The following PTPRO variants were observed in gnomAD, a reference collection of about 807,000 sequenced individuals.
The protein encoded by PTPRO is receptor-type tyrosine-protein phosphatase O.
In PTPRO, 62 loss-of-function variants were observed where a neutral mutation model predicts 145.2. The observed-to-expected ratio is 0.43, with a 90% CI of 0.35 to 0.53. The LOEUF (loss-of-function observed/expected upper bound fraction) is 0.53. Among genes scored for constraint, PTPRO ranks in the 20% least tolerant of loss-of-function variants. PTPRO has a pLI of 0.01. For synonymous variants in PTPRO, 565 were observed against 514.7 expected (o/e 1.10, Z -1.32); for missense variants, 1,345 against 1,482.7 (o/e 0.91, Z 1.53).
intron 23 of PTPRO, among the ~76,000 whole-genome samples, chr12:15,582,926 G>A (rs1944352134): frequency 6.6e-6 from 1 of 152,166 alleles, no homozygotes; most frequent in Non-Finnish European, 1.5e-5. Flanking sequence ...AGGCTTAGGT[G>A]TTAACATCAA....
At chr12:15,586,256 AGAG>A (rs1944427200) in intron 23 of PTPRO, among the ~76,000 whole-genome samples, 1 of 152,238 alleles carries the variant, frequency 6.6e-6, no homozygotes. Context: ...GCAGATTGAC[AGAG>A]AAGAAGCCCT....
intron 15 of PTPRO, among the ~76,000 whole-genome samples, chr12:15,552,008 T>G (rs975958594): frequency 1.5e-5 from 2 of 131,572 alleles, no homozygotes; most frequent in African/African-American, 5.8e-5. Context: ...CAGTTCAGTA[T>G]AGTTAATGAA....
intron 1 of PTPRO, among the ~76,000 whole-genome samples, chr12:15,394,835 G>C (rs376682913): frequency 6.6e-6 from 1 of 152,110 alleles, no homozygotes; most frequent in Non-Finnish European, 1.5e-5. Context: ...TAACTACAGG[G>C]CTTGTCTAGT....
At chr12:15,558,555 T>C (rs538194947) in intron 16 of PTPRO, among the ~76,000 whole-genome samples, 1 of 152,340 alleles carries the variant, frequency 6.6e-6, no homozygotes, top group African/African-American at 2.4e-5. Context: ...TAAGTAAACA[T>C]TTAACATGAA....
chr12:15,472,488 C>T (rs1275043108), intron 1 of PTPRO, among the ~76,000 whole-genome samples: 2 of 152,162 alleles, frequency 1.3e-5, no homozygotes, highest in East Asian at 1.9e-4. Context: ...TTGATCTAAA[C>T]ACTCTAGAGG....
intron 12 of PTPRO, among the ~76,000 whole-genome samples, chr12:15,540,993 A>C (rs1943168844): frequency 6.6e-6 from 1 of 152,206 alleles, no homozygotes; most frequent in Non-Finnish European, 1.5e-5. Flanking sequence ...CAATATTAGA[A>C]AGCTTTTAGA....
At chr12:15,459,288 C>G (rs950579298) in intron 1 of PTPRO, among the ~76,000 whole-genome samples, 1 of 152,222 alleles carries the variant, frequency 6.6e-6, no homozygotes, top group East Asian at 1.9e-4. Context: ...CTAGTTCAAA[C>G]AGCCATCTTT....
intron 1 of PTPRO, among the ~76,000 whole-genome samples, chr12:15,339,691 T>C (rs1866902431): frequency 1.3e-5 from 2 of 152,106 alleles, no homozygotes; most frequent in Non-Finnish European, 2.9e-5. Flanking sequence ...TAAATGGATT[T>C]TTTCAGAGAC....
intron 1 of PTPRO, among the ~76,000 whole-genome samples, chr12:15,470,232 A>C (rs1377155616): frequency 2.0e-5 from 3 of 152,184 alleles, no homozygotes; most frequent in Non-Finnish European, 4.4e-5. Flanking sequence ...CAGTCTGGGG[A>C]CTGTAGTACA....
At chr12:15,458,666 G>A (rs950184741) in intron 1 of PTPRO, among the ~76,000 whole-genome samples, 1 of 150,974 alleles carries the variant, frequency 6.6e-6, no homozygotes, top group African/African-American at 2.4e-5. Context: ...GTATTCTTCA[G>A]CTCATTGATT....
intron 2 of PTPRO, among the ~76,000 whole-genome samples, chr12:15,484,545 G>T (rs1398964940): frequency 6.6e-6 from 1 of 152,032 alleles, no homozygotes; most frequent in Non-Finnish European, 1.5e-5. Flanking sequence ...TTTCTGCTAT[G>T]TTGCTTAATA....
chr12:15,528,224 T>TA (rs201147093), intron 12 of PTPRO, among the ~76,000 whole-genome samples: 1,773 of 144,554 alleles, frequency 0.012, 35 homozygotes, highest in African/African-American at 0.042. Flanking sequence ...TATAAGATAT[T>TA]AAAAAAAAAA....
intron 1 of PTPRO, among the ~76,000 whole-genome samples, chr12:15,366,336 A>G (rs1418408151): frequency 6.8e-6 from 1 of 147,146 alleles, no homozygotes; most frequent in Non-Finnish European, 1.5e-5. Context: ...TACCAGTGGT[A>G]TATGGTGCCC....
chr12:15,357,936 C>T (rs1260777110), intron 1 of PTPRO, among the ~76,000 whole-genome samples: 19 of 150,804 alleles, frequency 1.3e-4, no homozygotes, highest in Non-Finnish European at 2.4e-4. Context: ...CACATGCACA[C>T]GTATGTTTAT....
rs772562526 is a variant in PTPRO, at chr12:15,502,051, A to T, written c.1093A>T (p.Ile365Phe). The T allele has an allele frequency of 6.2e-7, 1 of 1,610,774 alleles. No individual in the cohort carries two copies. The highest frequency in any genetic ancestry group is 1.7e-5 in the Admixed American group (1 of 60,026). Residue 365 changes from isoleucine (I) to phenylalanine (F), a missense_variant, in exon 5 of 27, where the codon ATT becomes TTT. Around this residue, in one of 3 missense-constraint regions of PTPRO, gnomAD observed 1,130 missense variants for 1,214.7 expected, o/e 0.93. Coordinates refer to ENST00000281171, the MANE Select transcript of PTPRO (RefSeq NM_030667.3). ...TGCTTTTGATGGGTTCCATATCCATATTGAACGAGAAGGTAAAGCAGTAGG... is the reference window on the plus strand; with the variant it reads ...TGCTTTTGATGGGTTCCATATCCATTTTGAACGAGAAGGTAAAGCAGTAGG... ...PTAFDGFHIH[I>F]EREENFTEYL... is the part of the protein sequence containing the mutation.
rs1420456748 is a variant in PTPRO at position 15,565,302 on chromosome 12, G to A, written c.2712-291G>A. 1.8e-5 allele frequency: 5 copies of A among 280,074 alleles called. No homozygotes were observed. The Admixed American group carries it at 2.4e-4, about 14-fold the overall frequency. The allele number at this position is 280,074 out of a possible 1,614,324, so 17.3% of individuals were successfully genotyped here. ...TTCTATATATTTACAAACTGCTTTA[G>A]CAACTTAATCAACAGCAGTTAGAAA... On this transcript the variant is annotated intron_variant, in intron 17 of 26. Coordinates refer to ENST00000281171, the MANE Select transcript of PTPRO (RefSeq NM_030667.3).
intron 1 of PTPRO, among the ~76,000 whole-genome samples, chr12:15,329,130 C>G (rs1361087283): frequency 6.6e-6 from 1 of 152,182 alleles, no homozygotes. Context: ...CTACCATGCT[C>G]TCAATACTGT....
intron 1 of PTPRO, among the ~76,000 whole-genome samples, chr12:15,353,613 A>G (rs1352811699): frequency 3.3e-5 from 5 of 152,164 alleles, no homozygotes; most frequent in Non-Finnish European, 7.3e-5. Context: ...GTGGAGAAGC[A>G]TTGTCATGAT....
intron 2 of PTPRO, among the ~76,000 whole-genome samples, chr12:15,487,109 T>C (rs142521423): frequency 1.1e-4 from 16 of 152,260 alleles, no homozygotes; most frequent in African/African-American, 3.8e-4. Flanking sequence ...AATAGACTGC[T>C]GTTGCTTTTC....
Sources: gnomAD v4.1 joint callset for allele counts (sites outside exome capture counted in the v4.1 genomes callset) on GRCh38, gnomAD v4.1.1 for gene constraint, gnomAD v4.1.1 regional missense constraint, MANE v1.5 for transcripts, NCBI Gene and HGNC (gene_info 2026-07-23, HGNC 2026-07-21) for gene names.